Variants in ORMDL1 observed in about 807,000 individuals in gnomAD.
ORMDL1 encodes the protein ORMDL sphingolipid biosynthesis regulator 1.
A neutral mutation model predicts 13.0 loss-of-function variants in ORMDL1; 10 were observed. That is an observed-to-expected ratio of 0.77 (90% CI 0.47 to 1.30). The LOEUF (loss-of-function observed/expected upper bound fraction) is 1.30. Among genes scored for constraint, ORMDL1 ranks in the 50% most tolerant of loss-of-function variants. The probability of loss-of-function intolerance (pLI) is 0.00; values close to 1 mark genes in which losing one functional copy is unlikely to be tolerated. For synonymous variants in ORMDL1, 61 were observed against 63.9 expected (o/e 0.95, Z 0.22); for missense variants, 171 against 186.7 (o/e 0.92, Z 0.49).
chr2:189,776,008 C>T (rs1037796032), intron 3 of ORMDL1, among the ~76,000 whole-genome samples: 2 of 152,142 alleles, frequency 1.3e-5, no homozygotes, highest in African/African-American at 4.8e-5. Flanking sequence ...CATATCTTTA[C>T]ATTCAGATTT....
At chr2:189,764,120 G>A in the ORMDL1 span, 4 of 152,174 alleles carry the variant, frequency 2.6e-5, no homozygotes, top group Admixed American at 6.5e-5. Flanking sequence ...TTAACTGCTA[G>A]AAGAGAAAAT....
chr2:189,769,205 T>C (rs951114290), downstream of ORMDL1, among the ~76,000 whole-genome samples: 10 of 152,026 alleles, frequency 6.6e-5, no homozygotes, highest in African/African-American at 2.4e-4. Flanking sequence ...CTGACCAACA[T>C]GGTGAAATCC....
At chr2:189,769,448 C>T (rs1013193466), downstream of ORMDL1, among the ~76,000 whole-genome samples, 5 of 151,824 alleles carry the variant, frequency 3.3e-5, no homozygotes, top group Admixed American at 3.3e-4. Flanking sequence ...AAGGGCTTCT[C>T]TAACTTAGCC....
chr2:189,775,295 G>A (rs2047667548), intron 4 of ORMDL1: 1 of 282,450 alleles, frequency 3.5e-6, no homozygotes, highest in African/African-American at 2.2e-5. Flanking sequence ...ACCTAAGGAC[G>A]GGAGCTGGAA....
intron 1 of ORMDL1, chr2:189,783,590 T>G (rs554081602): frequency 1.3e-5 from 2 of 152,264 alleles, no homozygotes; most frequent in East Asian, 3.9e-4. Context: ...GCATCAAGGG[T>G]TAAGGGGACG....
At chr2:189,768,738 G>A (rs1273409612), downstream of ORMDL1, among the ~76,000 whole-genome samples, 2 of 152,076 alleles carry the variant, frequency 1.3e-5, no homozygotes, top group Non-Finnish European at 2.9e-5. Context: ...AGGGGAAGTG[G>A]TACTCTTTCA....
Position 189,771,556 on chromosome 2 carries a change from C to G in ORMDL1, c.*211G>C, listed in dbSNP as rs758346181. 1 of 396,148 alleles carries G rather than the reference C, an allele frequency of 2.5e-6. No homozygotes were observed. The highest frequency in any genetic ancestry group is 2.1e-5 in the African/African-American group (1 of 47,860). 24.5% of individuals were successfully genotyped at this position (396,148 alleles called of 1,614,324 possible). A position where few individuals can be genotyped will look rare whatever the true frequency, so the allele number is the denominator to read the frequency against. ...GGGCCTGCCCAGCCTGCTTATAAAG[C>G]CCCTCTTCAGAAATGTACCAGGTGT... On this transcript the variant is annotated 3_prime_UTR_variant, in exon 5 of 5. Coordinates refer to ENST00000392349, the MANE Select transcript of ORMDL1 (RefSeq NM_016467.5).
At chr2:189,781,791 TA>T (rs1431002756) in intron 3 of ORMDL1, among the ~76,000 whole-genome samples, 2 of 152,200 alleles carry the variant, frequency 1.3e-5, no homozygotes, top group East Asian at 3.8e-4. Context: ...TAAAAACTAC[TA>T]AACTATACAC....
intron 4 of ORMDL1, among the ~76,000 whole-genome samples, chr2:189,772,484 T>C (rs1228933953): frequency 1.3e-5 from 2 of 152,214 alleles, no homozygotes; most frequent in African/African-American, 2.4e-5. Context: ...TCCAGCTGCT[T>C]TTTAATAATC....
chr2:189,774,206 G>A (rs1659422672), intron 4 of ORMDL1, among the ~76,000 whole-genome samples: 1 of 152,074 alleles, frequency 6.6e-6, no homozygotes, highest in South Asian at 2.1e-4. Flanking sequence ...TGCCCAGACT[G>A]GAGTACAGCA....
intron 4 of ORMDL1, chr2:189,775,349 G>T: frequency 2.2e-6 from 1 of 464,006 alleles, no homozygotes; most frequent in Non-Finnish European, 3.8e-6. Flanking sequence ...GCACTGATTA[G>T]CATGTAATAT....
At chr2:189,778,118 G>GC in intron 3 of ORMDL1, 1 of 446,510 alleles carries the variant, frequency 2.2e-6, no homozygotes, top group East Asian at 7.0e-5. Flanking sequence ...TACAGGGATG[G>GC]CATCTAAACC....
chr2:189,777,848 C>G (rs888556377), intron 3 of ORMDL1, among the ~76,000 whole-genome samples: 1 of 152,134 alleles, frequency 6.6e-6, no homozygotes, highest in South Asian at 2.1e-4. Flanking sequence ...TTTTTCTAAC[C>G]GGGTGTAACA....
chr2:189,766,902 A>G (rs1233066898), downstream of ORMDL1, among the ~76,000 whole-genome samples: 1 of 152,204 alleles, frequency 6.6e-6, no homozygotes, highest in Non-Finnish European at 1.5e-5. Flanking sequence ...AAAGTCTTCA[A>G]GATTCATCCA....
chr2:189,767,739 G>GT (rs2047506522), downstream of ORMDL1, among the ~76,000 whole-genome samples: 2 of 152,146 alleles, frequency 1.3e-5, no homozygotes, highest in Admixed American at 6.5e-5. Context: ...AGAGCTACAC[G>GT]TAAGTCATCC....
At position 189,771,781 on chromosome 2, in the gene ORMDL1, T is replaced by A; in HGVS notation, c.448A>T (p.Ile150Phe). Reference sequence around the variant, plus strand: ...TTCAAAACATTTCAATACTTATTAATTCCAAAGATCCGAACACCATGTAGT... The same window carrying A: ...TTCAAAACATTTCAATACTTATTAAATCCAAAGATCCGAACACCATGTAGT... The part of the protein sequence containing the change: ...PQLHGVRIFG[I>F]NKY The change falls in exon 5 of 5, where the codon ATT becomes TTT. Residue 150 changes from isoleucine (I) to phenylalanine (F), a missense_variant. Transcript: ENST00000392349. 6.3e-7 allele frequency: 1 copy of A among 1,594,086 alleles called. No individual in the cohort carries two copies. Among genetic ancestry groups the A allele is most frequent in the Non-Finnish European group, 8.5e-7 (1 of 1,174,690 alleles).
rs574197911 is a variant in ORMDL1 at position 189,782,091 on chromosome 2, C to T, written c.174+331G>A. ...CCGAGTAGCTGGGACTACAGGCATGCGCCACCATGCCCGGCTAATTTTTGT... is the reference window on the plus strand; with the variant it reads ...CCGAGTAGCTGGGACTACAGGCATGTGCCACCATGCCCGGCTAATTTTTGT... On this transcript the variant is annotated intron_variant, in intron 3 of 4. Coordinates refer to ENST00000392349, the MANE Select transcript of ORMDL1 (RefSeq NM_016467.5). Among the ~76,000 whole-genome samples, 22 of 152,110 alleles carry T rather than the reference C, an allele frequency of 1.4e-4. No homozygotes were observed. The East Asian group carries it at 3.9e-3, about 27-fold the overall frequency.
Position 189,782,582 on chromosome 2 carries a change from A to G in ORMDL1, c.14T>C (p.Val5Ala), listed in dbSNP as rs755539459. 6.2e-7 allele frequency: 1 copy of G among 1,613,944 alleles called. No individual in the cohort carries two copies. The highest frequency in any genetic ancestry group is 1.1e-5 in the South Asian group (1 of 91,072). The part of the protein sequence containing the change: MNVG[V>A]AHSEVNPNTR... The stretch of plus-strand genomic sequence containing the variant: ...ATTTGGATTCACTTCACTGTGGGCA[A>G]CTCCAACGTTCATGTTTGCTCTGTA... Residue 5 changes from valine (V) to alanine (A), a missense_variant, in exon 3 of 5, where the codon GTT (valine) becomes GCT (alanine). Coordinates refer to ENST00000392349, the MANE Select transcript of ORMDL1 (RefSeq NM_016467.5).
At chr2:189,783,400 C>T (rs2047940848) in intron 1 of ORMDL1, 1 of 152,168 alleles carries the variant, frequency 6.6e-6, no homozygotes, top group Non-Finnish European at 1.5e-5. Context: ...TCCTGAAGAA[C>T]ACCTATCATC....
Sources: allele counts gnomAD v4.1 joint callset (sites outside exome capture counted in the v4.1 genomes callset), GRCh38; gene constraint gnomAD v4.1.1; transcripts MANE v1.5; gene names NCBI Gene and HGNC (gene_info 2026-07-23, HGNC 2026-07-21).